The following WASF3 variants were observed in gnomAD, a reference collection of about 807,000 sequenced individuals.
WASF3 encodes the protein WASP family member 3.
A neutral mutation model predicts 46.6 loss-of-function variants in WASF3; 11 were observed. The observed-to-expected ratio is 0.24, with a 90% confidence interval of 0.15 to 0.39. The LOEUF is 0.39. Ranked by LOEUF, WASF3 falls within the 10% of genes least tolerant of loss-of-function variation. The probability of loss-of-function intolerance (pLI) is 1.00; values close to 1 mark genes in which losing one functional copy is unlikely to be tolerated. For missense variants in WASF3, 576 were observed against 669.8 expected (o/e 0.86, Z 1.55); for synonymous variants, 242 against 259.7 (o/e 0.93, Z 0.65).
At chr13:26,552,420 T>C in the WASF3 span, among the ~76,000 whole-genome samples, 1 of 152,204 alleles carries the variant, frequency 6.6e-6, no homozygotes, top group Non-Finnish European at 1.5e-5. Context: ...ATTTAAGATA[T>C]AGCCATGTTT....
intron 1 of WASF3, among the ~76,000 whole-genome samples, chr13:26,574,498 G>C (rs1415899178): frequency 2.0e-5 from 3 of 151,696 alleles, no homozygotes; most frequent in African/African-American, 7.3e-5. Flanking sequence ...TATTCACCTG[G>C]TAAATTTTTG....
At chr13:26,572,620 C>G (rs1312270245) in intron 1 of WASF3, among the ~76,000 whole-genome samples, 3 of 152,162 alleles carry the variant, frequency 2.0e-5, no homozygotes, top group Non-Finnish European at 4.4e-5. Context: ...GGCTGGAGTA[C>G]AGTGGCACGA....
In WASF3 at chr13:26,688,670, G is replaced by A. The variant is rs1223732836; in HGVS notation, c.*2825G>A. 6.6e-6 allele frequency: 1 copy of A among 152,152 alleles called. No homozygotes were observed. The highest frequency in any genetic ancestry group is 6.6e-5 in the Admixed American group (1 of 15,264). The allele number at this position is 152,152 out of a possible 1,614,324, so 9.4% of individuals were successfully genotyped here. The stretch of plus-strand genomic sequence containing the variant: ...AGCTCCAAGTGGCTAGGTTGTAAAA[G>A]TTTTATAATAATTTGCAATTAAAAT... On this transcript the variant is annotated 3_prime_UTR_variant, in exon 10 of 10. Transcript: ENST00000335327.
chr13:26,574,037 T>A (rs1326002234), intron 1 of WASF3, among the ~76,000 whole-genome samples: 3 of 152,250 alleles, frequency 2.0e-5, no homozygotes, highest in Non-Finnish European at 4.4e-5. Flanking sequence ...CTCCTTACAG[T>A]ATTTGTATCA....
At chr13:26,595,484 A>G (rs1880432870) in intron 1 of WASF3, among the ~76,000 whole-genome samples, 3 of 152,210 alleles carry the variant, frequency 2.0e-5, no homozygotes, top group South Asian at 2.1e-4. Context: ...ACTGGTACGT[A>G]CTAACGACCT....
intron 1 of WASF3, among the ~76,000 whole-genome samples, chr13:26,559,808 CTTT>C (rs770616922): frequency 1.6e-3 from 119 of 73,384 alleles, no homozygotes; most frequent in African/African-American, 3.9e-3. Context: ...TTCTTTCTTT[CTTT>C]TTTTTTTTTT....
intron 3 of WASF3, among the ~76,000 whole-genome samples, chr13:26,650,264 C>T (rs1024255794): frequency 9.2e-5 from 14 of 152,234 alleles, no homozygotes; most frequent in African/African-American, 3.4e-4. Context: ...GCCCCAGGCT[C>T]ACTAGAAGAC....
chr13:26,557,419 C>A (rs934299221), upstream of WASF3, among the ~76,000 whole-genome samples: 2 of 152,178 alleles, frequency 1.3e-5, no homozygotes, highest in African/African-American at 4.8e-5. Context: ...CCCGAAGTAT[C>A]CCCACCTCTC....
Position 26,684,829 on chromosome 13 carries a change from C to T in WASF3, c.1352-859C>T, listed in dbSNP as rs193173173. Among the ~76,000 whole-genome samples the T allele has an allele frequency of 9.2e-5, 14 of 152,266 alleles. No homozygotes were observed. In the East Asian group the frequency reaches 2.7e-3, roughly 29 times the overall value. On this transcript the variant is annotated intron_variant, in intron 9 of 9. Transcript: ENST00000335327. ...TATGGGAATGTTTTTCTGCTGGTCTCATAGCTGTTCTGTAAATCTGAAATT... is the reference window on the plus strand; with the variant it reads ...TATGGGAATGTTTTTCTGCTGGTCTTATAGCTGTTCTGTAAATCTGAAATT...
the WASF3 span, among the ~76,000 whole-genome samples, chr13:26,547,756 C>A: frequency 2.6e-5 from 4 of 152,116 alleles, no homozygotes; most frequent in African/African-American, 9.7e-5. Context: ...ATCGCAAGTT[C>A]CTTGGTGGCT....
chr13:26,572,771 A>G (rs189355270), intron 1 of WASF3, among the ~76,000 whole-genome samples: 2 of 152,138 alleles, frequency 1.3e-5, no homozygotes, highest in Non-Finnish European at 1.5e-5. Context: ...CAGGCTGATC[A>G]TGAACTCCTG....
At position 26,577,023 on chromosome 13, in the gene WASF3, G is replaced by C. The variant is rs1277738974; in HGVS notation, c.-109+19204G>C. On this transcript the variant is annotated intron_variant, in intron 1 of 9. Coordinates refer to ENST00000335327, the MANE Select transcript of WASF3 (RefSeq NM_006646.6). ...TGTTCAATATAAGGAATATTGGAAA[G>C]ATGCTAGTCACCAGGACCCAAGGAA... 5.6e-6 allele frequency: 4 copies of C among 716,304 alleles called. No individual in the cohort carries two copies. In the African/African-American group the frequency reaches 6.9e-5, roughly 12 times the overall value. The allele number at this position is 716,304 out of a possible 1,614,324, so 44.4% of individuals were successfully genotyped here. A position where few individuals can be genotyped will look rare whatever the true frequency, so the allele number is the denominator to read the frequency against.
At chr13:26,592,313 CTG>C (rs1880327744) in intron 1 of WASF3, among the ~76,000 whole-genome samples, 1 of 152,050 alleles carries the variant, frequency 6.6e-6, no homozygotes, top group African/African-American at 2.4e-5. Context: ...GGGAGTGAAT[CTG>C]TTTTATTTAT....
At chr13:26,543,201 T>A in the WASF3 span, among the ~76,000 whole-genome samples, 1 of 152,142 alleles carries the variant, frequency 6.6e-6, no homozygotes, top group Non-Finnish European at 1.5e-5. Flanking sequence ...TCCTGGAGTC[T>A]TTGTTTATCT....
intron 3 of WASF3, among the ~76,000 whole-genome samples, chr13:26,663,168 T>C (rs1249167895): frequency 1.3e-5 from 2 of 152,138 alleles, no homozygotes; most frequent in African/African-American, 4.8e-5. Flanking sequence ...TGGCTTGGGC[T>C]TCATTTTGGA....
At position 26,679,772 on chromosome 13, in the gene WASF3, A is replaced by C. The variant is rs1005817014; in HGVS notation, c.717-1282A>C. Among the ~76,000 whole-genome samples the C allele has an allele frequency of 6.6e-6, 1 of 152,214 alleles. No homozygotes were observed. Among genetic ancestry groups the C allele is most frequent in the African/African-American group, 2.4e-5 (1 of 41,470 alleles). On this transcript the variant is annotated intron_variant, in intron 7 of 9. Coordinates refer to ENST00000335327, the MANE Select transcript of WASF3 (RefSeq NM_006646.6). The surrounding 1 kb of genome is among the most constrained non-coding windows in gnomAD (Gnocchi z 4.8). Reference sequence around the variant, plus strand: ...CATTTGCTAGCAGCTCACCTAGTTCAAAAGACATAATCAGAAGTGCACCAT... The same window carrying C: ...CATTTGCTAGCAGCTCACCTAGTTCCAAAGACATAATCAGAAGTGCACCAT...
intron 1 of WASF3, among the ~76,000 whole-genome samples, chr13:26,608,675 C>T (rs17084383): frequency 0.059 from 9,012 of 152,104 alleles, 714 homozygotes; most frequent in African/African-American, 0.18. Flanking sequence ...TTAAAAGGTG[C>T]GGAACCGTTG....
At chr13:26,545,734 A>G in the WASF3 span, among the ~76,000 whole-genome samples, 1 of 152,180 alleles carries the variant, frequency 6.6e-6, no homozygotes, top group Non-Finnish European at 1.5e-5. Context: ...CCTCCTGAGT[A>G]ACTGGGACTA....
chr13:26,669,609 G>A (rs1015324134), intron 5 of WASF3, among the ~76,000 whole-genome samples: 3 of 152,008 alleles, frequency 2.0e-5, no homozygotes, highest in African/African-American at 4.8e-5. Context: ...TGCCTCCCGG[G>A]TTCAAGCGAT....
Sources: gnomAD v4.1 joint callset for allele counts (sites outside exome capture counted in the v4.1 genomes callset) on GRCh38, gnomAD v4.1.1 for gene constraint, Gnocchi (gnomAD v3.1) non-coding constraint, MANE v1.5 for transcripts, NCBI Gene and HGNC (gene_info 2026-07-23, HGNC 2026-07-21) for gene names.